The following SHISAL2A variants were observed in gnomAD, a reference collection of about 807,000 sequenced individuals.
SHISAL2A encodes shisa like 2A.
In SHISAL2A, 18 loss-of-function variants were observed where a neutral mutation model predicts 11.5. The ratio of observed to expected loss-of-function variants is 1.57; its 90% CI spans 1.08 to 2.33. The LOEUF (loss-of-function observed/expected upper bound fraction) is 2.33. Among genes scored for constraint, SHISAL2A ranks in the 30% most tolerant of loss-of-function variants. The pLI, the probability that SHISAL2A is intolerant of heterozygous loss-of-function variation, is 0.00. For synonymous variants in SHISAL2A, 94 were observed against 99.6 expected (o/e 0.94, Z 0.34); for missense variants, 261 against 250.9 (o/e 1.04, Z -0.27).
intron 2 of SHISAL2A, among the ~76,000 whole-genome samples, chr1:52,645,531 C>T (rs1691480930): frequency 6.6e-6 from 1 of 151,406 alleles, no homozygotes; most frequent in Non-Finnish European, 1.5e-5. Context: ...ACCTCATTCT[C>T]CTGAATAGCA....
rs1207542367 is a variant in SHISAL2A at position 52,633,305 on chromosome 1, C to A, written c.-189C>A. ...CCCCTACCCCTCCGCGCGGGCCGGG[C>A]ACCTGGCCGCCGCTCGGTCCTCGGG... On this transcript the variant is annotated 5_prime_UTR_variant, in exon 1 of 3. Transcript: ENST00000517870. This position sits in a 1 kb window ranked among gnomAD's most constrained non-coding sequence, Gnocchi z 6.4. 7.9e-6 allele frequency: 4 copies of A among 505,104 alleles called. No individual in the cohort carries two copies. Among genetic ancestry groups the A allele is most frequent in the Non-Finnish European group, 1.3e-5 (4 of 305,434 alleles). The allele number at this position is 505,104 out of a possible 1,614,324, so 31.3% of individuals were successfully genotyped here.
chr1:52,647,026 G>A (rs1194506999), intron 2 of SHISAL2A, among the ~76,000 whole-genome samples: 1 of 152,030 alleles, frequency 6.6e-6, no homozygotes, highest in African/African-American at 2.4e-5. Flanking sequence ...TAGACACAGA[G>A]TTTCGTTATA....
intron 1 of SHISAL2A, among the ~76,000 whole-genome samples, chr1:52,636,622 C>G (rs932683443): frequency 3.3e-4 from 50 of 152,194 alleles, no homozygotes; most frequent in Non-Finnish European, 1.0e-4. Context: ...TCCGAGATCT[C>G]CTAGCAATAT....
At chr1:52,651,699 A>G (rs1157459246) in intron 2 of SHISAL2A, among the ~76,000 whole-genome samples, 1 of 152,190 alleles carries the variant, frequency 6.6e-6, no homozygotes, top group Admixed American at 6.5e-5. Context: ...ACAGGGACCA[A>G]GTTTCTTCTC....
rs1691168530 is a variant in SHISAL2A at position 52,633,361 on chromosome 1, T to C, written c.-133T>C. 1.2e-6 allele frequency: 1 copy of C among 824,152 alleles called. No homozygotes were observed. Among genetic ancestry groups the C allele is most frequent in the Non-Finnish European group, 1.7e-6 (1 of 575,048 alleles). The allele number at this position is 824,152 out of a possible 1,614,324, so 51.1% of individuals were successfully genotyped here. A position where few individuals can be genotyped will look rare whatever the true frequency, so the allele number is the denominator to read the frequency against. On this transcript the variant is annotated 5_prime_UTR_variant, in exon 1 of 3. Transcript: ENST00000517870. The surrounding 1 kb of genome is among the most constrained non-coding windows in gnomAD (Gnocchi z 6.4). ...GCGCTGCTGTCTCTGTCTCGGCTTC[T>C]CTCGGCCCCTGGGTCTCTTCGTCTC...
downstream of SHISAL2A, among the ~76,000 whole-genome samples, chr1:52,661,158 C>A (rs181508918): frequency 6.6e-6 from 1 of 152,140 alleles, no homozygotes; most frequent in African/African-American, 2.4e-5. Flanking sequence ...AGTCCTGAAG[C>A]CTTTGCCATA....
At chr1:52,661,397 C>A (rs1242238185), downstream of SHISAL2A, among the ~76,000 whole-genome samples, 1 of 152,148 alleles carries the variant, frequency 6.6e-6, no homozygotes, top group African/African-American at 2.4e-5. Flanking sequence ...ATGACTTGGG[C>A]CCTAGACATC....
rs190382016 is a variant in SHISAL2A, at chr1:52,655,730, A to G, written c.323-1060A>G. Reference sequence around the variant, plus strand: ...TAAGGAAATGCAGATTAAAGCCACAATGAGATGCCATCTCAAGGAGCACAG... The same window carrying G: ...TAAGGAAATGCAGATTAAAGCCACAGTGAGATGCCATCTCAAGGAGCACAG... On this transcript the variant is annotated intron_variant, in intron 2 of 2. Coordinates refer to ENST00000517870, the MANE Select transcript of SHISAL2A (RefSeq NM_001042693.3). 3.9e-5 allele frequency among the ~76,000 whole-genome samples: 6 copies of G among 152,390 alleles called. No individual in the cohort carries two copies. In the East Asian group the frequency reaches 5.8e-4, roughly 15 times the overall value.
intron 1 of SHISAL2A, among the ~76,000 whole-genome samples, chr1:52,634,016 A>G (rs2149870263): frequency 6.6e-6 from 1 of 152,078 alleles, no homozygotes; most frequent in South Asian, 2.1e-4. Flanking sequence ...TCCATCTTCA[A>G]ACATTCACAG....
chr1:52,657,851 AAAG>A (rs751040720), downstream of SHISAL2A, among the ~76,000 whole-genome samples: 2 of 152,132 alleles, frequency 1.3e-5, no homozygotes, highest in East Asian at 1.9e-4. Context: ...CATCACAAAA[AAAG>A]AAGAAGAATG....
chr1:52,655,452 C>CAAAAAAAAAAAAAAAAAA (rs11346128), intron 2 of SHISAL2A, among the ~76,000 whole-genome samples: 23 of 40,152 alleles, frequency 5.7e-4, no homozygotes, highest in Non-Finnish European at 9.0e-4. Context: ...CCTGTATCTA[C>CAAAAAAAAAAAAAAAAAA]AAAAAAAAAA....
At chr1:52,640,501 C>T (rs192780228) in intron 1 of SHISAL2A, among the ~76,000 whole-genome samples, 42 of 152,126 alleles carry the variant, frequency 2.8e-4, no homozygotes, top group East Asian at 2.1e-3. Context: ...CGGTAGCTCA[C>T]GCCTGTAATC....
intron 2 of SHISAL2A, among the ~76,000 whole-genome samples, chr1:52,646,311 G>T (rs1346816927): frequency 6.6e-6 from 1 of 151,974 alleles, no homozygotes; most frequent in Non-Finnish European, 1.5e-5. Flanking sequence ...ACCTAGAATA[G>T]AAAGAGTCCA....
At chr1:52,654,322 C>G (rs757232051) in intron 2 of SHISAL2A, among the ~76,000 whole-genome samples, 1 of 151,988 alleles carries the variant, frequency 6.6e-6, no homozygotes, top group Non-Finnish European at 1.5e-5. Context: ...GACAAAGGAA[C>G]TAGAATAGCT....
intron 4 of SHISAL2A, among the ~76,000 whole-genome samples, chr1:52,663,566 G>A (rs558168563): frequency 1.3e-5 from 2 of 152,118 alleles, no homozygotes; most frequent in South Asian, 4.1e-4. Context: ...GTCGAGACCA[G>A]CCTGGCCAAC....
Position 52,633,811 on chromosome 1 carries a change from C to T in SHISAL2A, c.182+136C>T. 1 of 654,456 alleles carries T rather than the reference C, an allele frequency of 1.5e-6. No individual in the cohort carries two copies. 40.5% of individuals were successfully genotyped at this position (654,456 alleles called of 1,614,324 possible). On this transcript the variant is annotated intron_variant, in intron 1 of 2. Coordinates refer to ENST00000517870, the MANE Select transcript of SHISAL2A (RefSeq NM_001042693.3). This position sits in a 1 kb window ranked among gnomAD's most constrained non-coding sequence, Gnocchi z 6.4. ...GTCCTTACCGTCCTCATGCCCACAG[C>T]ATCAACCACCCCGTGAAACCCCATC...
intron 4 of SHISAL2A, among the ~76,000 whole-genome samples, chr1:52,666,953 T>C (rs1692025182): frequency 6.6e-6 from 1 of 152,188 alleles, no homozygotes; most frequent in African/African-American, 2.4e-5. Context: ...CCTGAAGTAA[T>C]CTCTGTCCTT....
At chr1:52,667,991 AC>A (rs1006767501) in intron 5 of SHISAL2A, among the ~76,000 whole-genome samples, 1 of 152,074 alleles carries the variant, frequency 6.6e-6, no homozygotes, top group African/African-American at 2.4e-5. Flanking sequence ...TGAGATGGTC[AC>A]CCCGGGAGTA....
Position 52,645,501 on chromosome 1 carries a change from G to A in SHISAL2A, c.322+2499G>A, listed in dbSNP as rs116553718. On this transcript the variant is annotated intron_variant, in intron 2 of 2. Coordinates refer to ENST00000517870, the MANE Select transcript of SHISAL2A (RefSeq NM_001042693.3). ...ATGGCTCACTGCAGCCTTGCACTCC[G>A]GGGCTCAGGTGATTCTCCCACCTCA... Among the ~76,000 whole-genome samples the A allele has an allele frequency of 4.8e-3, 722 of 151,938 alleles. 4 individuals are homozygous for A. The highest frequency in any genetic ancestry group is 0.014 in the African/African-American group (595 of 41,538).
Sources: gnomAD v4.1 joint callset for allele counts (sites outside exome capture counted in the v4.1 genomes callset) on GRCh38, gnomAD v4.1.1 for gene constraint, Gnocchi (gnomAD v3.1) non-coding constraint, MANE v1.5 for transcripts, NCBI Gene and HGNC (gene_info 2026-07-23, HGNC 2026-07-21) for gene names.